The following KLHL6 variants were observed in gnomAD, a reference collection of about 807,000 sequenced individuals.
The protein encoded by KLHL6 is kelch-like protein 6.
In KLHL6, 41 loss-of-function variants were observed where a neutral mutation model predicts 58.6. That is an observed-to-expected ratio of 0.70 (90% confidence interval 0.55 to 0.91). KLHL6 has a LOEUF of 0.91. Ranked by LOEUF, KLHL6 falls within the 40% of genes least tolerant of loss-of-function variation. The probability of loss-of-function intolerance (pLI) is 0.00; values close to 1 mark genes in which losing one functional copy is unlikely to be tolerated. For synonymous variants in KLHL6, 338 were observed against 322.7 expected (o/e 1.05, Z -0.51); for missense variants, 714 against 805.6 (o/e 0.89, Z 1.38).
intron 2 of KLHL6, 115 bp downstream of exon 2, chr3:183,527,730 G>C (rs1475603579): frequency 2.5e-6 from 2 of 789,048 alleles, no homozygotes; most frequent in Non-Finnish European, 4.2e-6. Flanking sequence ...GTGCGTGTGT[G>C]TGTGTGTGTC....
chr3:183,548,397 A>T (rs1056229099), intron 1 of KLHL6, among the ~76,000 whole-genome samples: 4 of 152,108 alleles, frequency 2.6e-5, no homozygotes, highest in Non-Finnish European at 5.9e-5. Context: ...CCCTTCCTTC[A>T]TGCATAGAAA....
At chr3:183,512,498 T>A (rs545218529) in intron 2 of KLHL6, among the ~76,000 whole-genome samples, 10 of 150,702 alleles carry the variant, frequency 6.6e-5, no homozygotes, top group East Asian at 3.9e-4. Flanking sequence ...ATTATGATAT[T>A]TTTTTTTTTT....
intron 1 of KLHL6, among the ~76,000 whole-genome samples, chr3:183,554,914 C>CA (rs1485256676): frequency 6.6e-6 from 1 of 152,126 alleles, no homozygotes; most frequent in Non-Finnish European, 1.5e-5. Flanking sequence ...CCTGTAATGC[C>CA]AGCACTTTGG....
In KLHL6 at chr3:183,489,114, G is replaced by A. The variant is rs955435655; in HGVS notation, c.*2813C>T. ...ATAGGGTTGACCTGCTGATGGGCTCGAAGTTTGCCTATGGGTCTTATCAAA... is the reference window on the plus strand; with the variant it reads ...ATAGGGTTGACCTGCTGATGGGCTCAAAGTTTGCCTATGGGTCTTATCAAA... On this transcript the variant is annotated 3_prime_UTR_variant, in exon 7 of 7. Coordinates refer to ENST00000341319, the MANE Select transcript of KLHL6 (RefSeq NM_130446.4). The A allele has an allele frequency of 2.0e-5, 3 of 152,160 alleles. No individual in the cohort carries two copies. The highest frequency in any genetic ancestry group is 4.8e-5 in the African/African-American group (2 of 41,440). The allele number at this position is 152,160 out of a possible 1,614,324, so 9.4% of individuals were successfully genotyped here. A position where few individuals can be genotyped will look rare whatever the true frequency, so the allele number is the denominator to read the frequency against.
At chr3:183,550,114 GAA>G (rs1560113079) in intron 1 of KLHL6, among the ~76,000 whole-genome samples, 1 of 151,914 alleles carries the variant, frequency 6.6e-6, no homozygotes, top group Non-Finnish European at 1.5e-5. Flanking sequence ...CATAAAACAA[GAA>G]AAAAGTCTTG....
chr3:183,525,597 T>G (rs1425334431), intron 2 of KLHL6, among the ~76,000 whole-genome samples: 1 of 152,212 alleles, frequency 6.6e-6, no homozygotes, highest in African/African-American at 2.4e-5. Context: ...CACAGCCACA[T>G]AGCAAATAAG....
At chr3:183,516,475 G>A (rs1376846734) in intron 2 of KLHL6, among the ~76,000 whole-genome samples, 1 of 152,216 alleles carries the variant, frequency 6.6e-6, no homozygotes, top group African/African-American at 2.4e-5. Flanking sequence ...TGAGCAAAAG[G>A]TTGCAGCCAG....
chr3:183,518,096 C>T (rs1421478952), intron 2 of KLHL6, among the ~76,000 whole-genome samples: 1 of 152,170 alleles, frequency 6.6e-6, no homozygotes. Flanking sequence ...CTCCTTTCTG[C>T]CCTGGGCTCT....
chr3:183,508,604 C>A (rs1718091038), intron 2 of KLHL6, 96 bp from the exon 3 acceptor site: 1 of 1,031,442 alleles, frequency 9.7e-7, no homozygotes, highest in Non-Finnish European at 1.4e-6. Context: ...AAATTGGAAA[C>A]AACCTAAATG....
At chr3:183,532,815 T>C (rs981337696) in intron 1 of KLHL6, among the ~76,000 whole-genome samples, 2 of 152,150 alleles carry the variant, frequency 1.3e-5, no homozygotes, top group East Asian at 3.9e-4. Flanking sequence ...CAGTGAGCAA[T>C]GGTGAGCCGT....
At chr3:183,526,959 C>G (rs1263086057) in intron 2 of KLHL6, among the ~76,000 whole-genome samples, 8 of 151,876 alleles carry the variant, frequency 5.3e-5, no homozygotes, top group African/African-American at 1.9e-4. Context: ...ATCATCTGGG[C>G]TTGATGGCAT....
chr3:183,540,409 CTTTT>C (rs1033728311), intron 1 of KLHL6, among the ~76,000 whole-genome samples: 7 of 152,166 alleles, frequency 4.6e-5, no homozygotes, highest in African/African-American at 1.7e-4. Flanking sequence ...TTACCCCAGA[CTTTT>C]TTTAATTCCA....
intron 4 of KLHL6, 23 bp from the exon 5 acceptor site, chr3:183,494,304 A>G: frequency 5.1e-6 from 8 of 1,584,000 alleles, no homozygotes; most frequent in Non-Finnish European, 6.9e-6. Context: ...CAAAGCATTT[A>G]AGAAACCATC....
chr3:183,553,850 G>A (rs1247548293), intron 1 of KLHL6, among the ~76,000 whole-genome samples: 1 of 152,000 alleles, frequency 6.6e-6, no homozygotes, highest in Non-Finnish European at 1.5e-5. Flanking sequence ...CTGGCACACA[G>A]CAGCCACTGC....
Position 183,492,651 on chromosome 3 carries a change from C to T in KLHL6, c.1407G>A (p.Lys469=), listed in dbSNP as rs1317319640. Residue 469 remains lysine (K), a synonymous_variant, in exon 6 of 7, where the codon AAG becomes AAA. Coordinates refer to ENST00000341319, the MANE Select transcript of KLHL6 (RefSeq NM_130446.4). This position sits in a 1 kb window ranked among gnomAD's most constrained non-coding sequence, Gnocchi z 5.9. ...SSFAATSHKK[K]LYVIGGGPNG... is the part of the protein sequence containing the mutation. Reference sequence around the variant, plus strand: ...TGGGCCCTCCCCCGATCACATACAGCTTCTTCTTATGGCTGGTGGCTGCAA... The same window carrying T: ...TGGGCCCTCCCCCGATCACATACAGTTTCTTCTTATGGCTGGTGGCTGCAA... 6.2e-7 allele frequency: 1 copy of T among 1,614,126 alleles called. No homozygotes were observed.
At chr3:183,526,725 T>A (rs1292156878) in intron 2 of KLHL6, among the ~76,000 whole-genome samples, 1 of 152,186 alleles carries the variant, frequency 6.6e-6, no homozygotes, top group African/African-American at 2.4e-5. Flanking sequence ...CTATGGAAGT[T>A]CATCACTTGA....
chr3:183,515,939 T>C (rs1490390122), intron 2 of KLHL6, among the ~76,000 whole-genome samples: 1 of 152,222 alleles, frequency 6.6e-6, no homozygotes, highest in East Asian at 1.9e-4. Flanking sequence ...TTAACAAGTG[T>C]ATTTTATTTA....
At chr3:183,524,404 T>C (rs1577192415) in intron 2 of KLHL6, among the ~76,000 whole-genome samples, 1 of 152,316 alleles carries the variant, frequency 6.6e-6, no homozygotes, top group South Asian at 2.1e-4. Flanking sequence ...GGGGAAAATG[T>C]GTTTCTCCTC....
intron 1 of KLHL6, among the ~76,000 whole-genome samples, chr3:183,554,804 A>G (rs1348359108): frequency 6.6e-6 from 1 of 152,212 alleles, no homozygotes; most frequent in African/African-American, 2.4e-5. Context: ...AAGGTTTACT[A>G]TAGAATGTAA....
Sources: gnomAD v4.1 joint callset for allele counts (sites outside exome capture counted in the v4.1 genomes callset) on GRCh38, gnomAD v4.1.1 for gene constraint, Gnocchi (gnomAD v3.1) non-coding constraint, MANE v1.5 for transcripts, NCBI Gene and HGNC (gene_info 2026-07-23, HGNC 2026-07-21) for gene names.